Variants in ARAP3 observed in about 807,000 individuals in gnomAD.
ARAP3 encodes arf-GAP with Rho-GAP domain, ANK repeat and PH domain-containing protein 3.
ARAP3 carries 82 observed loss-of-function variants against 169.2 expected under a neutral mutation model. That is an observed-to-expected ratio of 0.48 (90% CI 0.41 to 0.58). The LOEUF is 0.58. ARAP3 is among the 20% of genes least tolerant of loss of function. The pLI, the probability that ARAP3 is intolerant of heterozygous loss-of-function variation, is 0.00. For synonymous variants in ARAP3, 791 were observed against 800.3 expected (o/e 0.99, Z 0.20); for missense variants, 1,764 against 2,018.0 (o/e 0.87, Z 2.41).
rs2099910007 is a variant in ARAP3 at position 141,661,769 on chromosome 5, G to A, written c.3034C>T (p.Arg1012Cys). 9 of 1,614,234 alleles carry A rather than the reference G, an allele frequency of 5.6e-6. No individual in the cohort carries two copies. Among genetic ancestry groups the A allele is most frequent in the East Asian group, 4.5e-5 (2 of 44,882 alleles). ...EAAELPQKNQRLEKYKDVIGC... is the reference protein window; with the variant it reads ...EAAELPQKNQCLEKYKDVIGC... ...ATCACATCTTTATATTTCTCCAGGC[G>A]CTGATTCTTCTGGGGCAGCTCTGGG... The change falls in exon 21 of 33, where the codon CGC becomes TGC. Residue 1012 changes from arginine (R) to cysteine (C), a missense_variant. This residue lies in a region of ARAP3 where 1,112 missense variants were observed against 1,285.7 expected (regional missense o/e 0.86). Coordinates refer to ENST00000239440, the MANE Select transcript of ARAP3 (RefSeq NM_022481.6).
chr5:141,671,818 G>C lies in ARAP3; in HGVS notation c.1672-66C>G. ...AAGAGTCCTCAGATGTTCCATTCCTGTCCCCAGGCTGGCCCAAGGCCTGCT... is the reference window on the plus strand; with the variant it reads ...AAGAGTCCTCAGATGTTCCATTCCTCTCCCCAGGCTGGCCCAAGGCCTGCT... On this transcript the variant is annotated intron_variant, in intron 11 of 32. Coordinates refer to ENST00000239440, the MANE Select transcript of ARAP3 (RefSeq NM_022481.6). The surrounding 1 kb of genome is among the most constrained non-coding windows in gnomAD (Gnocchi z 4.9). 6.2e-7 allele frequency: 1 copy of C among 1,609,752 alleles called. No individual in the cohort carries two copies. Among genetic ancestry groups the C allele is most frequent in the Non-Finnish European group, 8.5e-7 (1 of 1,177,028 alleles).
chr5:141,677,708 G>C (rs1044833245), intron 4 of ARAP3, among the ~76,000 whole-genome samples: 4 of 152,088 alleles, frequency 2.6e-5, no homozygotes, highest in African/African-American at 9.7e-5. Context: ...TTCACTTAGA[G>C]TAAAAGCCAA....
chr5:141,673,611 G>A lies in ARAP3; in HGVS notation c.896C>T (p.Pro299Leu), dbSNP rs1331556104. ...LLSGWLDKLSPQGNYVFQRRF... is the reference protein window; with the variant it reads ...LLSGWLDKLSLQGNYVFQRRF... ...TTCCCCTCCCAGCACCCACCCCTGA[G>A]GGGAGAGCTTGTCTAGCCAGCCACT... The change falls in exon 5 of 33, where the codon CCT becomes CTT. Residue 299 changes from proline (P) to leucine (L), a missense_variant. Physicochemically the swap from Pro to Leu is moderately conservative, Grantham distance 98. Coordinates refer to ENST00000239440, the MANE Select transcript of ARAP3 (RefSeq NM_022481.6). 2 of 1,613,834 alleles carry A rather than the reference G, an allele frequency of 1.2e-6. No individual in the cohort carries two copies. Among genetic ancestry groups the A allele is most frequent in the East Asian group, 4.5e-5 (2 of 44,886 alleles).
In ARAP3 at chr5:141,679,654, G is replaced by A. The variant is rs764935179; in HGVS notation, c.589C>T (p.His197Tyr). Reference protein sequence around the residue: ...PALRPTTGTVHIMDPGCLYYG... With the variant: ...PALRPTTGTVYIMDPGCLYYG... ...TACAGGCAACCAGGATCCATGATGT[G>A]CACTGGCAGGAGGAGAGGGGAACGC... is the stretch of plus-strand genomic sequence containing the variant. Residue 197 changes from histidine to tyrosine, a missense_variant and splice_region_variant, in exon 4 of 33, where the codon CAC becomes TAC. By Grantham distance (83) the His-to-Tyr change is moderately conservative (BLOSUM62 2). Transcript: ENST00000239440. 6.2e-7 allele frequency: 1 copy of A among 1,614,118 alleles called. No homozygotes were observed.
chr5:141,660,810 A>G (rs1186202119), intron 21 of ARAP3, among the ~76,000 whole-genome samples: 2 of 151,946 alleles, frequency 1.3e-5, no homozygotes, highest in African/African-American at 4.8e-5. Context: ...TCAGTGCAAT[A>G]CAGAAATGGC....
rs1389016099 is a variant in ARAP3, at chr5:141,680,064, G to A, written c.423C>T (p.Ser141=). 1 of 1,614,008 alleles carries A rather than the reference G, an allele frequency of 6.2e-7. No individual in the cohort carries two copies. Among genetic ancestry groups the A allele is most frequent in the Non-Finnish European group, 8.5e-7 (1 of 1,180,044 alleles). Residue 141 remains serine (S), a synonymous_variant, in exon 2 of 33, where the codon TCC becomes TCT. Coordinates refer to ENST00000239440, the MANE Select transcript of ARAP3 (RefSeq NM_022481.6). The part of the protein sequence containing the change: ...PSPRPPPLPT[S]SSEQSSALNT... ...TTAGGGCTGAAGACTGCTCAGAGGA[G>A]GAAGTGGGGAGAGGAGGAGGCCTTG...
Position 141,666,592 on chromosome 5 carries a change from G to C in ARAP3, c.2404C>G (p.Leu802Val). 6.6e-7 allele frequency: 1 copy of C among 1,516,868 alleles called. No individual in the cohort carries two copies. The highest frequency in any genetic ancestry group is 8.8e-7 in the Non-Finnish European group (1 of 1,130,858). The allele number at this position is 1,516,868 out of a possible 1,614,324, so 94.0% of individuals were successfully genotyped here. The change falls in exon 17 of 33, where the codon CTG becomes GTG. Residue 802 changes from leucine (L) to valine (V), a missense_variant. Coordinates refer to ENST00000239440, the MANE Select transcript of ARAP3 (RefSeq NM_022481.6). ...HQLLGPGLLR[L>V]GRLWLRSPSH... Reference sequence around the variant, plus strand: ...GGGGACCGCAGCCATAGGCGGCCCAGCCGCAGCAGCCCGGGGCCCAGCAGC... The same window carrying C: ...GGGGACCGCAGCCATAGGCGGCCCACCCGCAGCAGCCCGGGGCCCAGCAGC...
In ARAP3 at chr5:141,679,592, G is replaced by C. The variant is rs769177783; in HGVS notation, c.651C>G (p.Pro217=). 6.2e-7 allele frequency: 1 copy of C among 1,613,692 alleles called. No homozygotes were observed. Residue 217 remains proline (P), a synonymous_variant, in exon 4 of 33, where the codon CCC becomes CCG. Transcript: ENST00000239440. ...GVQPVGTPGA[P]DRRESRGVCQ... The stretch of plus-strand genomic sequence containing the variant: ...AAACACCTCTGCTCTCTCTTCTGTC[G>C]GGGGCTCCTGGAGTCCCCACAGGTT...
Position 141,671,629 on chromosome 5 carries a change from G to A in ARAP3, c.1795C>T (p.Arg599Cys), listed in dbSNP as rs144248427. The A allele has an allele frequency of 4.8e-5, 77 of 1,613,996 alleles. No individual in the cohort carries two copies. The highest frequency in any genetic ancestry group is 5.8e-5 in the Non-Finnish European group (69 of 1,179,998). Residue 599 changes from arginine (R) to cysteine (C), a missense_variant, in exon 12 of 33, where the codon CGT becomes TGT. Arg to Cys is a radical substitution (Grantham distance 180). Around this residue, in one of 3 missense-constraint regions of ARAP3, gnomAD observed 1,112 missense variants for 1,285.7 expected, o/e 0.86. Coordinates refer to ENST00000239440, the MANE Select transcript of ARAP3 (RefSeq NM_022481.6). The surrounding 1 kb of genome is among the most constrained non-coding windows in gnomAD (Gnocchi z 4.9). ...TGGGGCTTCCGGAAGAGACCCAGAC[G>A]GTACTTTCGGGAGATGAACTCTCCC... The part of the protein sequence containing the change: ...PRGEFISRKY[R>C]LGLFRKPHPQ...
In ARAP3 at chr5:141,665,381, G is replaced by A. The variant is rs1030933420; in HGVS notation, c.2573-7C>T. ...TCAGCTGCAGAAACCACACCTGGGAGGAGAATCAGTGGACATTTTCATGAT... is the reference window on the plus strand; with the variant it reads ...TCAGCTGCAGAAACCACACCTGGGAAGAGAATCAGTGGACATTTTCATGAT... On this transcript the variant is annotated splice_region_variant and splice_polypyrimidine_tract_variant and intron_variant, in intron 17 of 32. Coordinates refer to ENST00000239440, the MANE Select transcript of ARAP3 (RefSeq NM_022481.6). 4 of 1,613,888 alleles carry A rather than the reference G, an allele frequency of 2.5e-6. No homozygotes were observed. In the African/African-American group the frequency reaches 5.3e-5, roughly 22 times the overall value.
In ARAP3 at chr5:141,672,486, T is replaced by C; in HGVS notation, c.1385+66A>G. On this transcript the variant is annotated intron_variant, in intron 9 of 32. Coordinates refer to ENST00000239440, the MANE Select transcript of ARAP3 (RefSeq NM_022481.6). The surrounding 1 kb of genome is among the most constrained non-coding windows in gnomAD (Gnocchi z 4.9). ...GACGTCCTACTAAAGAGGCCTCTAG[T>C]CCTCTGCACCCTTGTGCCTCCCGCA... 1 of 1,563,710 alleles carries C rather than the reference T, an allele frequency of 6.4e-7. No homozygotes were observed. The highest frequency in any genetic ancestry group is 8.7e-7 in the Non-Finnish European group (1 of 1,145,214).
chr5:141,663,288 T>C (rs2099910210), intron 19 of ARAP3, among the ~76,000 whole-genome samples: 1 of 152,116 alleles, frequency 6.6e-6, no homozygotes, highest in African/African-American at 2.4e-5. Context: ...GGGGAGGGGA[T>C]GAACACCCAG....
intron 14 of ARAP3, 133 bp from the exon 15 acceptor site, chr5:141,670,196 A>G (rs2099911227): frequency 8.0e-7 from 1 of 1,246,898 alleles, no homozygotes; most frequent in African/African-American, 1.5e-5. Context: ...CAATAACCCT[A>G]TGAGGTGTTA....
At chr5:141,670,282 T>C (rs1596488018) in intron 14 of ARAP3, among the ~76,000 whole-genome samples, 1 of 152,150 alleles carries the variant, frequency 6.6e-6, no homozygotes, top group Non-Finnish European at 1.5e-5. Context: ...AGGTAGGAAG[T>C]AGCAGAGCTG....
Position 141,654,406 on chromosome 5 carries a change from C to G in ARAP3, c.4179G>C (p.Glu1393Asp). The part of the protein sequence containing the change: ...FPMKSSQGSV[E>D]EQEELEEPVY... ...CAGGCTCCTCCAGCTCCTCTTGCTCCTCCACAGACCCCTGGGATGACTTCA... is the reference window on the plus strand; with the variant it reads ...CAGGCTCCTCCAGCTCCTCTTGCTCGTCCACAGACCCCTGGGATGACTTCA... Residue 1393 changes from glutamate (E) to aspartate (D), a missense_variant, in exon 33 of 33, where the codon GAG becomes GAC. By Grantham distance (45) the Glu-to-Asp change is conservative (BLOSUM62 2). Coordinates refer to ENST00000239440, the MANE Select transcript of ARAP3 (RefSeq NM_022481.6). The G allele has an allele frequency of 6.2e-7, 1 of 1,604,632 alleles. No individual in the cohort carries two copies.
intron 25 of ARAP3, 47 bp from the exon 26 acceptor site, chr5:141,656,893 C>T: frequency 6.3e-7 from 1 of 1,579,498 alleles, no homozygotes; most frequent in Admixed American, 1.8e-5. Flanking sequence ...AATATCCATA[C>T]TAAGCCCCCA....
At chr5:141,655,954 C>A (rs767265183) in intron 29 of ARAP3, 22 bp from the exon 30 acceptor site, 2 of 1,613,740 alleles carry the variant, frequency 1.2e-6, no homozygotes, top group South Asian at 1.1e-5. Flanking sequence ...AGAATGGAAT[C>A]AGAGGGAGAG....
At position 141,659,494 on chromosome 5, in the gene ARAP3, G is replaced by C. The variant is rs765187337; in HGVS notation, c.3268-18C>G. The C allele has an allele frequency of 6.2e-7, 1 of 1,613,712 alleles. No homozygotes were observed. The highest frequency in any genetic ancestry group is 1.3e-5 in the African/African-American group (1 of 75,038). ...GAATCGATCTGTGAAAGAGCCAAAA[G>C]AGAGTGTTGGGGTGCTGGAAGAGGA... is the stretch of plus-strand genomic sequence containing the variant. On this transcript the variant is annotated intron_variant, in intron 22 of 32. Transcript: ENST00000239440.
Position 141,669,756 on chromosome 5 carries a change from T to C in ARAP3, c.2305A>G (p.Thr769Ala). 1.2e-6 allele frequency: 2 copies of C among 1,614,092 alleles called. No homozygotes were observed. The highest frequency in any genetic ancestry group is 1.7e-6 in the Non-Finnish European group (2 of 1,179,994). Residue 769 changes from threonine (T) to alanine (A), a missense_variant, in exon 16 of 33, where the codon ACA becomes GCA. Physicochemically the swap from Thr to Ala is moderately conservative, Grantham distance 58. Coordinates refer to ENST00000239440, the MANE Select transcript of ARAP3 (RefSeq NM_022481.6). ...LAGGRIQHFG[T>A]DGADSLEAWT... ...GCCTCCAGACTGTCAGCTCCATCTG[T>C]GCCAAAATGCTGGATCCTCCCCCCA...
Sources: gnomAD v4.1 joint callset for allele counts (sites outside exome capture counted in the v4.1 genomes callset) on GRCh38, gnomAD v4.1.1 for gene constraint, gnomAD v4.1.1 regional missense constraint, Gnocchi (gnomAD v3.1) non-coding constraint, MANE v1.5 for transcripts, NCBI Gene and HGNC (gene_info 2026-07-23, HGNC 2026-07-21) for gene names.